Variants in AK5 observed in about 807,000 individuals in gnomAD.
AK5 encodes the protein adenylate kinase isoenzyme 5.
AK5 carries 27 observed loss-of-function variants against 69.5 expected under a neutral mutation model. That is an observed-to-expected ratio of 0.39 (90% confidence interval 0.29 to 0.54). The LOEUF is 0.54. Among genes scored for constraint, AK5 ranks in the 20% least tolerant of loss-of-function variants. The probability of loss-of-function intolerance (pLI) is 0.71; values close to 1 mark genes in which losing one functional copy is unlikely to be tolerated. For missense variants in AK5, 531 were observed against 700.4 expected (o/e 0.76, Z 2.73); for synonymous variants, 260 against 244.4 (o/e 1.06, Z -0.60).
chr1:77,424,134 A>T (rs1405896699), intron 8 of AK5, among the ~76,000 whole-genome samples: 1 of 152,226 alleles, frequency 6.6e-6, no homozygotes, highest in Non-Finnish European at 1.5e-5. Flanking sequence ...CCTTTTATTC[A>T]GTATATCAGG....
chr1:77,556,548 C>T (rs910048807), intron 13 of AK5, among the ~76,000 whole-genome samples: 1 of 152,126 alleles, frequency 6.6e-6, no homozygotes, highest in Non-Finnish European at 1.5e-5. Flanking sequence ...AATGGACATA[C>T]AGGATTTTTC....
At chr1:77,427,490 A>T (rs1166119785) in intron 8 of AK5, among the ~76,000 whole-genome samples, 1 of 152,168 alleles carries the variant, frequency 6.6e-6, no homozygotes, top group African/African-American at 2.4e-5. Context: ...TTGAATCAAT[A>T]ACTAATAATC....
chr1:77,348,731 G>A (rs1662039445), intron 6 of AK5, among the ~76,000 whole-genome samples: 2 of 151,750 alleles, frequency 1.3e-5, no homozygotes, highest in African/African-American at 4.8e-5. Flanking sequence ...GGTTCTATAT[G>A]TATACACACC....
intron 10 of AK5, among the ~76,000 whole-genome samples, chr1:77,495,990 C>A (rs887833894): frequency 4.2e-4 from 64 of 152,138 alleles, no homozygotes; most frequent in African/African-American, 1.5e-3. Flanking sequence ...AGCAAAATGG[C>A]AGCCTAAGGA....
rs142070959 is a variant in AK5 at position 77,415,658 on chromosome 1, C to A, written c.983-1981C>A. Among the ~76,000 whole-genome samples the A allele has an allele frequency of 6.7e-3, 1,018 of 152,288 alleles. 4 individuals are homozygous for A. Among genetic ancestry groups the A allele is most frequent in the Non-Finnish European group, 0.011 (733 of 68,026 alleles). ...ATTTCCACAGCCACCCTATGACCTGCGTCATCATCAACCATTCACTGTTCC... is the reference window on the plus strand; with the variant it reads ...ATTTCCACAGCCACCCTATGACCTGAGTCATCATCAACCATTCACTGTTCC... On this transcript the variant is annotated intron_variant, in intron 7 of 13. Transcript: ENST00000354567.
At chr1:77,410,319 C>T (rs566578984) in intron 6 of AK5, among the ~76,000 whole-genome samples, 1 of 151,924 alleles carries the variant, frequency 6.6e-6, no homozygotes, top group Non-Finnish European at 1.5e-5. Flanking sequence ...AGTCTGTCCC[C>T]CAGGCTGGAG....
chr1:77,382,005 G>A (rs1462407429), intron 6 of AK5, among the ~76,000 whole-genome samples: 1 of 152,136 alleles, frequency 6.6e-6, no homozygotes, highest in Non-Finnish European at 1.5e-5. Flanking sequence ...CACAGGGAGA[G>A]GCTGCCCAGG....
intron 6 of AK5, among the ~76,000 whole-genome samples, chr1:77,360,822 C>A (rs377315379): frequency 2.6e-4 from 40 of 152,208 alleles, no homozygotes; most frequent in East Asian, 1.9e-3. Flanking sequence ...CTAACTTCAA[C>A]GAATATGTGT....
At chr1:77,443,703 G>GTA (rs1189399879) in intron 8 of AK5, among the ~76,000 whole-genome samples, 8 of 151,394 alleles carry the variant, frequency 5.3e-5, no homozygotes, top group African/African-American at 1.9e-4. Flanking sequence ...GTGTGTGTGT[G>GTA]TGTGTGTGTG....
At chr1:77,501,678 T>C (rs1164576785) in intron 10 of AK5, among the ~76,000 whole-genome samples, 3 of 152,218 alleles carry the variant, frequency 2.0e-5, no homozygotes, top group Non-Finnish European at 4.4e-5. Context: ...GCAGCCCTTC[T>C]CCTTTTACTT....
intron 6 of AK5, among the ~76,000 whole-genome samples, chr1:77,358,018 T>TGTGTGAGAGAGAGA (rs762714026): frequency 3.0e-4 from 38 of 128,272 alleles, no homozygotes; most frequent in African/African-American, 8.0e-4. Flanking sequence ...TGTGTGTGTG[T>TGTGTGAGAGAGAGA]GAGAGAGAGA....
chr1:77,297,873 A>C lies in AK5; in HGVS notation c.625A>C (p.Ile209Leu), dbSNP rs1659104042. Residue 209 changes from isoleucine (I) to leucine (L), a missense_variant, in exon 5 of 14, where the codon ATA becomes CTA. Coordinates refer to ENST00000354567, the MANE Select transcript of AK5 (RefSeq NM_174858.3). Reference sequence around the variant, plus strand: ...AGAGATAAAACAAAAATTGATGCAAATACCTGATGAAGAGGGCATTGTTAT... The same window carrying C: ...AGAGATAAAACAAAAATTGATGCAACTACCTGATGAAGAGGGCATTGTTAT... ...ITEIKQKLMQ[I>L]PDEEGIVIDG... 1 of 1,613,330 alleles carries C rather than the reference A, an allele frequency of 6.2e-7. No individual in the cohort carries two copies. The highest frequency in any genetic ancestry group is 1.3e-5 in the African/African-American group (1 of 74,924).
intron 8 of AK5, among the ~76,000 whole-genome samples, chr1:77,441,782 G>T (rs1307576981): frequency 6.6e-6 from 1 of 152,206 alleles, no homozygotes; most frequent in African/African-American, 2.4e-5. Context: ...GGTCACAGAG[G>T]CAGGTGCCCA....
intron 6 of AK5, among the ~76,000 whole-genome samples, chr1:77,371,689 C>T (rs1647124786): frequency 6.6e-6 from 1 of 152,150 alleles, no homozygotes; most frequent in Admixed American, 6.6e-5. Flanking sequence ...ATGAATAACT[C>T]CTCCTCTACA....
chr1:77,372,728 C>T (rs1222947916), intron 6 of AK5, among the ~76,000 whole-genome samples: 1 of 151,814 alleles, frequency 6.6e-6, no homozygotes, highest in Admixed American at 6.6e-5. Flanking sequence ...TCACAATTTT[C>T]AAACATTTTG....
chr1:77,394,555 G>GTTCCTGCAGTGAAA, intron 6 of AK5, among the ~76,000 whole-genome samples: 1 of 152,002 alleles, frequency 6.6e-6, no homozygotes, highest in Non-Finnish European at 1.5e-5. Context: ...CTCCCTCATT[G>GTTCCTGCAGTGAAA]GATTGTGGAC....
At chr1:77,409,472 A>C (rs1441724035) in intron 6 of AK5, among the ~76,000 whole-genome samples, 1 of 151,892 alleles carries the variant, frequency 6.6e-6, no homozygotes, top group Non-Finnish European at 1.5e-5. Flanking sequence ...TTTGATTTGC[A>C]TTTCTCTAAT....
intron 8 of AK5, among the ~76,000 whole-genome samples, chr1:77,481,857 T>C (rs1192439524): frequency 6.6e-6 from 1 of 152,144 alleles, no homozygotes; most frequent in Non-Finnish European, 1.5e-5. Context: ...TGCCACTTTT[T>C]CCAAAAAAAG....
At chr1:77,382,753 T>C (rs1223472526) in intron 6 of AK5, among the ~76,000 whole-genome samples, 3 of 152,238 alleles carry the variant, frequency 2.0e-5, no homozygotes, top group Admixed American at 2.0e-4. Flanking sequence ...CCTCAACTGC[T>C]AATAAAGAGT....
Sources: allele counts gnomAD v4.1 joint callset (sites outside exome capture counted in the v4.1 genomes callset), GRCh38; gene constraint gnomAD v4.1.1; transcripts MANE v1.5; gene names NCBI Gene and HGNC (gene_info 2026-07-23, HGNC 2026-07-21).